Variants in ADAMTS12 observed in about 807,000 individuals in gnomAD.
The protein encoded by ADAMTS12 is ADAM metallopeptidase with thrombospondin type 1 motif 12, also known as A disintegrin and metalloproteinase with thrombospondin motifs 12.
A neutral mutation model predicts 167.8 loss-of-function variants in ADAMTS12; 118 were observed. That is an observed-to-expected ratio of 0.70 (90% confidence interval 0.61 to 0.82). ADAMTS12 has a LOEUF of 0.82. ADAMTS12 is among the 40% of genes least tolerant of loss of function. The pLI is 0.00. For missense variants in ADAMTS12, 1,916 were observed against 1,998.8 expected, an observed-to-expected ratio of 0.96 and a Z score of 0.79; for synonymous variants, 704 against 716.9, an observed-to-expected ratio of 0.98 and a Z score of 0.29.
intron 20 of ADAMTS12, among the ~76,000 whole-genome samples, chr5:33,560,687 G>A (rs996311574): frequency 6.1e-5 from 9 of 147,032 alleles, no homozygotes; most frequent in Non-Finnish European, 1.0e-4. Flanking sequence ...ACCAAACACC[G>A]CATGTTCTCA....
At chr5:33,793,657 C>T (rs745370926) in intron 2 of ADAMTS12, among the ~76,000 whole-genome samples, 7 of 152,092 alleles carry the variant, frequency 4.6e-5, no homozygotes, top group African/African-American at 1.2e-4. Context: ...TCCATATCCA[C>T]ATATTCAATT....
intron 2 of ADAMTS12, among the ~76,000 whole-genome samples, chr5:33,799,150 T>C (rs182821430): frequency 1.7e-4 from 26 of 152,274 alleles, no homozygotes; most frequent in African/African-American, 6.3e-4. Context: ...ACGACCAGTG[T>C]GGGCATGTGT....
At chr5:33,830,238 C>T (rs1247845854) in intron 2 of ADAMTS12, among the ~76,000 whole-genome samples, 1 of 152,002 alleles carries the variant, frequency 6.6e-6, no homozygotes, top group African/African-American at 2.4e-5. Context: ...CATTGTACCA[C>T]CCAGATCCCT....
At chr5:33,761,076 C>T (rs1166620113) in intron 2 of ADAMTS12, among the ~76,000 whole-genome samples, 1 of 152,220 alleles carries the variant, frequency 6.6e-6, no homozygotes, top group African/African-American at 2.4e-5. Flanking sequence ...AACCTGTTTC[C>T]AGTAGTGAAA....
chr5:33,626,408 T>G, intron 13 of ADAMTS12, among the ~76,000 whole-genome samples: 1 of 138,154 alleles, frequency 7.2e-6, no homozygotes. Context: ...GTGGTGGGGG[T>G]GATGGTGATA....
chr5:33,814,540 G>A (rs981353850), intron 2 of ADAMTS12, among the ~76,000 whole-genome samples: 2 of 152,184 alleles, frequency 1.3e-5, no homozygotes, highest in African/African-American at 4.8e-5. Flanking sequence ...TTAGGATGAA[G>A]ATATAAATTT....
chr5:33,646,405 G>A (rs1255956082), intron 9 of ADAMTS12, among the ~76,000 whole-genome samples: 1 of 152,114 alleles, frequency 6.6e-6, no homozygotes, highest in African/African-American at 2.4e-5. Flanking sequence ...TGTAAGGTAG[G>A]AAGTTGGAGA....
chr5:33,637,257 A>G lies in ADAMTS12; in HGVS notation c.1888+320T>C, dbSNP rs910432007. 6.6e-5 allele frequency among the ~76,000 whole-genome samples: 10 copies of G among 152,306 alleles called. 1 individual carries two copies. The highest frequency in any genetic ancestry group is 6.5e-4 in the Admixed American group (10 of 15,284). On this transcript the variant is annotated intron_variant, in intron 12 of 23. Transcript: ENST00000504830. ...AAATCACAGTCAGTTTCTCATGTCC[A>G]TCAACAAGCAATTAGTTACTGAATT...
intron 2 of ADAMTS12, among the ~76,000 whole-genome samples, chr5:33,818,263 C>A (rs1747740146): frequency 6.6e-6 from 1 of 151,972 alleles, no homozygotes; most frequent in Non-Finnish European, 1.5e-5. Flanking sequence ...ACCTACAGGT[C>A]CATATTTCCT....
At chr5:33,683,433 C>T (rs1238963238) in intron 4 of ADAMTS12, among the ~76,000 whole-genome samples, 1 of 152,150 alleles carries the variant, frequency 6.6e-6, no homozygotes, top group Non-Finnish European at 1.5e-5. Context: ...TTCTTGAAGG[C>T]AGAAAACATC....
chr5:33,707,664 C>T (rs1295986023), intron 3 of ADAMTS12, among the ~76,000 whole-genome samples: 1 of 152,170 alleles, frequency 6.6e-6, no homozygotes, highest in Non-Finnish European at 1.5e-5. Context: ...CTACAACCAT[C>T]TGATCTTTGA....
Position 33,611,429 on chromosome 5 carries a change from A to G in ADAMTS12, c.2527+2809T>C, listed in dbSNP as rs144012830. 5.9e-4 allele frequency among the ~76,000 whole-genome samples: 90 copies of G among 152,218 alleles called. No homozygotes were observed. In the East Asian group the frequency reaches 0.015, roughly 25 times the overall value. On this transcript the variant is annotated intron_variant, in intron 16 of 23. Transcript: ENST00000504830. Reference sequence around the variant, plus strand: ...TTAGTACAAAGGAATTTGTTACTACATTCTCTATTTTGCTAATATGTTTGA... The same window carrying G: ...TTAGTACAAAGGAATTTGTTACTACGTTCTCTATTTTGCTAATATGTTTGA...
intron 20 of ADAMTS12, among the ~76,000 whole-genome samples, chr5:33,558,908 C>T (rs1745607264): frequency 6.6e-6 from 1 of 152,104 alleles, no homozygotes. Flanking sequence ...AGTATCGATT[C>T]TTGAAAGAAA....
At chr5:33,569,244 C>G (rs902260873) in intron 19 of ADAMTS12, among the ~76,000 whole-genome samples, 13 of 152,234 alleles carry the variant, frequency 8.5e-5, no homozygotes, top group Admixed American at 1.3e-4. Context: ...AGAGAGCCGT[C>G]GTTCTCCCAG....
intron 2 of ADAMTS12, among the ~76,000 whole-genome samples, chr5:33,786,710 T>C (rs1347108800): frequency 6.6e-6 from 1 of 152,184 alleles, no homozygotes; most frequent in Non-Finnish European, 1.5e-5. Flanking sequence ...GCACAGCCCA[T>C]GTCTGCAACA....
chr5:33,815,088 A>G (rs982087691), intron 2 of ADAMTS12, among the ~76,000 whole-genome samples: 1 of 152,208 alleles, frequency 6.6e-6, no homozygotes, highest in East Asian at 1.9e-4. Flanking sequence ...AATAACAGCA[A>G]GATGGTGCAA....
chr5:33,801,373 C>A (rs1747002984), intron 2 of ADAMTS12, among the ~76,000 whole-genome samples: 1 of 152,142 alleles, frequency 6.6e-6, no homozygotes, highest in African/African-American at 2.4e-5. Context: ...GTTTTAGAGA[C>A]CTGGTTTGCT....
intron 3 of ADAMTS12, among the ~76,000 whole-genome samples, chr5:33,686,772 T>C (rs1742341992): frequency 6.6e-6 from 1 of 151,126 alleles, no homozygotes; most frequent in Admixed American, 6.6e-5. Context: ...TCTCTATATA[T>C]ATATATATAT....
chr5:33,672,299 C>T (rs1280808324), intron 5 of ADAMTS12, among the ~76,000 whole-genome samples: 4 of 150,616 alleles, frequency 2.7e-5, no homozygotes, highest in African/African-American at 9.8e-5. Flanking sequence ...CACACCCCCA[C>T]ATACTCATAT....
Sources: allele counts gnomAD v4.1 joint callset (sites outside exome capture counted in the v4.1 genomes callset), GRCh38; gene constraint gnomAD v4.1.1; transcripts MANE v1.5; gene names NCBI Gene and HGNC (gene_info 2026-07-23, HGNC 2026-07-21).